The following ROBO1 variants were observed in gnomAD, a reference collection of about 807,000 sequenced individuals.
ROBO1 encodes the protein roundabout guidance receptor 1.
A neutral mutation model predicts 195.9 loss-of-function variants in ROBO1; 149 were observed. The ratio of observed to expected loss-of-function variants is 0.76; its 90% CI spans 0.67 to 0.87. The LOEUF (loss-of-function observed/expected upper bound fraction) is 0.87, where lower values mean the gene tolerates loss of function less well. Among genes scored for constraint, ROBO1 ranks in the 40% least tolerant of loss-of-function variants. The pLI is 0.00. For missense variants in ROBO1, 1,933 were observed against 2,068.3 expected (o/e 0.93, Z 1.27); for synonymous variants, 816 against 733.2 (o/e 1.11, Z -1.82).
intron 2 of ROBO1, among the ~76,000 whole-genome samples, chr3:79,581,602 G>C (rs755912845): frequency 2.0e-5 from 3 of 152,168 alleles, no homozygotes; most frequent in Non-Finnish European, 4.4e-5. Context: ...ATCTTCAACT[G>C]ATTGATAGTC....
intron 4 of ROBO1, among the ~76,000 whole-genome samples, chr3:78,936,297 TA>T (rs1264987238): frequency 2.0e-5 from 3 of 151,984 alleles, no homozygotes; most frequent in Non-Finnish European, 4.4e-5. Context: ...TAAAGGCAAA[TA>T]AAACACATGA....
At chr3:79,734,496 A>G (rs929842257) in intron 1 of ROBO1, among the ~76,000 whole-genome samples, 1 of 152,198 alleles carries the variant, frequency 6.6e-6, no homozygotes, top group Admixed American at 6.5e-5. Context: ...TTTGCAAAAA[A>G]TTGCCTTTGG....
intron 1 of ROBO1, among the ~76,000 whole-genome samples, chr3:79,693,612 T>A (rs535393078): frequency 1.3e-5 from 2 of 151,772 alleles, no homozygotes; most frequent in Admixed American, 6.6e-5. Context: ...TTATAATTAT[T>A]TTTTCACAGA....
chr3:79,271,841 A>G (rs1217602875), intron 2 of ROBO1, among the ~76,000 whole-genome samples: 2 of 152,070 alleles, frequency 1.3e-5, no homozygotes, highest in African/African-American at 4.8e-5. Context: ...TTGATTTAAT[A>G]ACTACAATTT....
rs71631657 is a variant in ROBO1 at position 79,519,628 on chromosome 3, C to CAAAAAAAAAAAA, written c.88+70184_88+70195dup. Reference sequence around the variant, plus strand: ...TGGGTGACAGAGCCAGACTCCTGCTCAAAAAAAAAAAAAAAAAAAAAGAAA... The same window carrying CAAAAAAAAAAAA: ...TGGGTGACAGAGCCAGACTCCTGCTCAAAAAAAAAAAAAAAAAAAAAAAAAAAAAAAAAGAAA... On this transcript the variant is annotated intron_variant, in intron 2 of 30. Coordinates refer to ENST00000464233, the MANE Select transcript of ROBO1 (RefSeq NM_002941.4). 5.7e-4 allele frequency among the ~76,000 whole-genome samples: 37 copies of CAAAAAAAAAAAA among 64,570 alleles called. 1 individual carries two copies. The highest frequency in any genetic ancestry group is 6.8e-4 in the African/African-American group (12 of 17,588). 42.4% of individuals were successfully genotyped at this position (64,570 alleles called of 152,430 possible).
intron 3 of ROBO1, among the ~76,000 whole-genome samples, chr3:79,105,837 C>T (rs1476550113): frequency 1.3e-5 from 2 of 151,618 alleles, no homozygotes; most frequent in East Asian, 3.9e-4. Flanking sequence ...TTTTGGCTAC[C>T]AGTTGGTGTT....
intron 4 of ROBO1, among the ~76,000 whole-genome samples, chr3:78,752,326 C>A (rs2082817685): frequency 6.6e-6 from 1 of 152,128 alleles, no homozygotes; most frequent in African/African-American, 2.4e-5. Flanking sequence ...TTGTGTCTGG[C>A]AGCTGTGCTA....
Position 78,974,412 on chromosome 3 carries a change from C to A in ROBO1, c.173-35485G>T, listed in dbSNP as rs978258045. The stretch of plus-strand genomic sequence containing the variant: ...AAAACCGAATCAAAACTCATGGTAG[C>A]GGCTGTGGATTCTTTAGACAGATGG... On this transcript the variant is annotated intron_variant, in intron 3 of 30. Transcript: ENST00000464233. Among the ~76,000 whole-genome samples the A allele has an allele frequency of 2.0e-5, 3 of 152,050 alleles. No individual in the cohort carries two copies. The South Asian group carries it at 6.2e-4, about 32-fold the overall frequency.
intron 2 of ROBO1, among the ~76,000 whole-genome samples, chr3:79,561,412 G>C (rs188285016): frequency 3.5e-4 from 53 of 152,284 alleles, no homozygotes; most frequent in African/African-American, 1.2e-3. Context: ...CAGAGTATAA[G>C]CACCTATGTG....
At chr3:79,309,089 T>C (rs2033360949) in intron 2 of ROBO1, among the ~76,000 whole-genome samples, 1 of 152,164 alleles carries the variant, frequency 6.6e-6, no homozygotes, top group Admixed American at 6.5e-5. Context: ...TGTTATTAAT[T>C]AGTAAGCAGA....
chr3:78,939,601 C>G lies in ROBO1; in HGVS notation c.173-674G>C, dbSNP rs1371117791. On this transcript the variant is annotated intron_variant, in intron 3 of 30. Coordinates refer to ENST00000464233, the MANE Select transcript of ROBO1 (RefSeq NM_002941.4). Reference sequence around the variant, plus strand: ...CCACTGCACTCCAGCCTGGGTGACACAGCAAGACTCTGCCTCAAAAAAAAA... The same window carrying G: ...CCACTGCACTCCAGCCTGGGTGACAGAGCAAGACTCTGCCTCAAAAAAAAA... 6.8e-5 allele frequency among the ~76,000 whole-genome samples: 10 copies of G among 147,568 alleles called. No individual in the cohort carries two copies. In the East Asian group the frequency reaches 1.4e-3, roughly 20 times the overall value.
intron 3 of ROBO1, among the ~76,000 whole-genome samples, chr3:79,037,417 A>G (rs1576597400): frequency 6.6e-6 from 1 of 152,158 alleles, no homozygotes; most frequent in Non-Finnish European, 1.5e-5. Context: ...ACCATCAATT[A>G]GTGGTAACTT....
chr3:79,756,300 C>G (rs1206182742), intron 1 of ROBO1, among the ~76,000 whole-genome samples: 2 of 152,000 alleles, frequency 1.3e-5, no homozygotes, highest in Admixed American at 6.6e-5. Flanking sequence ...GCCTGTAATC[C>G]CAGCACTTTG....
At chr3:79,212,346 T>G (rs1370034732) in intron 2 of ROBO1, among the ~76,000 whole-genome samples, 1 of 152,234 alleles carries the variant, frequency 6.6e-6, no homozygotes, top group East Asian at 1.9e-4. Context: ...CTCTCTTGAC[T>G]AGATCTTGTT....
intron 2 of ROBO1, among the ~76,000 whole-genome samples, chr3:79,279,431 T>C (rs531566743): frequency 3.9e-5 from 6 of 152,084 alleles, no homozygotes; most frequent in Non-Finnish European, 8.8e-5. Context: ...CCATCCCAAA[T>C]AGTATCACTA....
In ROBO1 at chr3:79,240,867, T is replaced by C. The variant is rs755198240; in HGVS notation, c.89-115328A>G. On this transcript the variant is annotated intron_variant, in intron 2 of 30. Coordinates refer to ENST00000464233, the MANE Select transcript of ROBO1 (RefSeq NM_002941.4). ...CATGTTGTCCAGGATGTTCTCAAACTCCTGGGTTCAAGTGAACCTCCTACC... is the reference window on the plus strand; with the variant it reads ...CATGTTGTCCAGGATGTTCTCAAACCCCTGGGTTCAAGTGAACCTCCTACC... Among the ~76,000 whole-genome samples the C allele has an allele frequency of 5.9e-5, 9 of 152,168 alleles. 1 individual carries two copies. The South Asian group carries it at 1.9e-3, about 32-fold the overall frequency.
chr3:78,652,298 T>A (rs1196024414), intron 18 of ROBO1, among the ~76,000 whole-genome samples: 1 of 152,156 alleles, frequency 6.6e-6, no homozygotes, highest in Non-Finnish European at 1.5e-5. Flanking sequence ...AGTACTTTAA[T>A]ACACACACAA....
chr3:78,686,447 C>T (rs866950576), intron 9 of ROBO1, among the ~76,000 whole-genome samples: 7 of 150,894 alleles, frequency 4.6e-5, no homozygotes, highest in African/African-American at 7.3e-5. Context: ...CCCAGCTACT[C>T]GGGAGGCTGA....
intron 2 of ROBO1, among the ~76,000 whole-genome samples, chr3:79,245,624 C>T (rs1035891937): frequency 6.6e-6 from 1 of 151,774 alleles, no homozygotes; most frequent in Non-Finnish European, 1.5e-5. Flanking sequence ...AGCAAAGACC[C>T]CCACCCCACC....
Sources: gnomAD v4.1 joint callset for allele counts (sites outside exome capture counted in the v4.1 genomes callset) on GRCh38, gnomAD v4.1.1 for gene constraint, MANE v1.5 for transcripts, NCBI Gene and HGNC (gene_info 2026-07-23, HGNC 2026-07-21) for gene names.